SETDB2: variants seen among roughly 807,000 people sequenced by gnomAD.
The protein encoded by SETDB2 is histone-lysine N-methyltransferase SETDB2.
Under a neutral mutation model 82.5 loss-of-function variants are expected in SETDB2, and 56 were observed. The observed-to-expected ratio is 0.68, with a 90% CI of 0.55 to 0.85. The LOEUF is 0.85. SETDB2 is among the 40% of genes least tolerant of loss of function. The pLI, the probability that SETDB2 is intolerant of heterozygous loss-of-function variation, is 0.00. For synonymous variants in SETDB2, 272 were observed against 284.9 expected, an observed-to-expected ratio of 0.95 and a Z score of 0.46; for missense variants, 677 against 816.4, an observed-to-expected ratio of 0.83 and a Z score of 2.08.
Position 49,488,277 on chromosome 13 carries a change from A to G in SETDB2, c.1577-13A>G. The G allele has an allele frequency of 6.4e-7, 1 of 1,555,524 alleles. No individual in the cohort carries two copies. The highest frequency in any genetic ancestry group is 2.3e-5 in the East Asian group (1 of 44,406). Reference sequence around the variant, plus strand: ...GTATATTTCCTGATGTTTCCTTCCAAAATGTCTATTAGAGGACTCAAGTTC... The same window carrying G: ...GTATATTTCCTGATGTTTCCTTCCAGAATGTCTATTAGAGGACTCAAGTTC... On this transcript the variant is annotated splice_polypyrimidine_tract_variant and intron_variant, in intron 11 of 13. Coordinates refer to ENST00000611815, the MANE Select transcript of SETDB2 (RefSeq NM_001160308.3).
chr13:49,487,922 AAT>A (rs374254345), intron 11 of SETDB2, among the ~76,000 whole-genome samples: 77 of 152,324 alleles, frequency 5.1e-4, no homozygotes, highest in Non-Finnish European at 8.5e-4. Flanking sequence ...ATTTGTTTAG[AAT>A]ATACTTAAGT....
Position 49,483,532 on chromosome 13 carries a change from C to T in SETDB2, c.1451C>T (p.Thr484Ile). The change falls in exon 10 of 14, where the codon ACA (threonine) becomes ATA (isoleucine). Residue 484 changes from threonine to isoleucine, a missense_variant. This residue lies in a region of SETDB2 where 420 missense variants were observed against 554.6 expected (regional missense o/e 0.76). Transcript: ENST00000611815. ...GTTATTAGAGATCCTGAATCCAAGACAGCCATTTTTCAACACAATGGGAAA... is the reference window on the plus strand; with the variant it reads ...GTTATTAGAGATCCTGAATCCAAGATAGCCATTTTTCAACACAATGGGAAA... ...HSVIRDPESK[T>I]AIFQHNGKKM... is the part of the protein sequence containing the mutation. 2 of 1,487,208 alleles carry T rather than the reference C, an allele frequency of 1.3e-6. No individual in the cohort carries two copies. The highest frequency in any genetic ancestry group is 1.8e-6 in the Non-Finnish European group (2 of 1,101,876). 92.1% of individuals were successfully genotyped at this position (1,487,208 alleles called of 1,614,324 possible).
At chr13:49,464,226 T>A (rs1958056215) in intron 4 of SETDB2, among the ~76,000 whole-genome samples, 1 of 152,218 alleles carries the variant, frequency 6.6e-6, no homozygotes, top group Admixed American at 6.5e-5. Flanking sequence ...CTCTCCCTGA[T>A]TAGATGAAAT....
At chr13:49,472,577 A>G (rs988407028) in intron 5 of SETDB2, among the ~76,000 whole-genome samples, 15 of 148,050 alleles carry the variant, frequency 1.0e-4, no homozygotes, top group African/African-American at 3.2e-4. Flanking sequence ...TTTTATTTCT[A>G]TTTTTTTTTT....
chr13:49,476,453 T>G, intron 5 of SETDB2, 23 bp from the exon 6 acceptor site: 1 of 1,427,062 alleles, frequency 7.0e-7, no homozygotes, highest in Non-Finnish European at 9.6e-7. Context: ...TTTGAGATAC[T>G]AATGAATAAT....
intron 1 of SETDB2, among the ~76,000 whole-genome samples, chr13:49,449,925 CTT>C (rs1385294368): frequency 2.0e-5 from 3 of 152,134 alleles, no homozygotes; most frequent in African/African-American, 4.8e-5. Flanking sequence ...CTGAGTGACT[CTT>C]TGAATGTCTG....
intron 11 of SETDB2, 52 bp downstream of exon 11, chr13:49,485,775 C>A: frequency 7.2e-7 from 1 of 1,382,954 alleles, no homozygotes; most frequent in Non-Finnish European, 1.0e-6. Flanking sequence ...GTTTCTCTGT[C>A]TCTTGCTCAA....
chr13:49,467,825 A>T, intron 4 of SETDB2, 39 bp from the exon 5 acceptor site: 1 of 1,499,670 alleles, frequency 6.7e-7, no homozygotes, highest in Non-Finnish European at 9.1e-7. Context: ...ATGGTTTTTA[A>T]CTTGGTATAT....
chr13:49,450,952 TAATA>T (rs1957774267), intron 1 of SETDB2, among the ~76,000 whole-genome samples: 1 of 147,820 alleles, frequency 6.8e-6, no homozygotes, highest in Non-Finnish European at 1.5e-5. Context: ...TATTATTAAT[TAATA>T]TTTTTATTAA....
intron 10 of SETDB2, among the ~76,000 whole-genome samples, chr13:49,483,902 G>A (rs1348636435): frequency 2.0e-5 from 3 of 152,106 alleles, no homozygotes; most frequent in East Asian, 1.9e-4. Flanking sequence ...TTATAGGCAT[G>A]AGCCACCGCA....
chr13:49,462,230 G>C (rs1310133208), intron 4 of SETDB2, among the ~76,000 whole-genome samples: 1 of 152,208 alleles, frequency 6.6e-6, no homozygotes, highest in Non-Finnish European at 1.5e-5. Flanking sequence ...GGTGGAAAGA[G>C]TAGGGATGAA....
intron 1 of SETDB2, among the ~76,000 whole-genome samples, chr13:49,448,518 T>C (rs1957733344): frequency 6.6e-6 from 1 of 152,198 alleles, no homozygotes. Flanking sequence ...GTTCTTAAAT[T>C]TCTCCTTTGA....
intron 5 of SETDB2, among the ~76,000 whole-genome samples, chr13:49,475,638 C>G (rs1246230139): frequency 6.6e-6 from 1 of 151,908 alleles, no homozygotes; most frequent in African/African-American, 2.4e-5. Flanking sequence ...AGGCATGCAC[C>G]ACCATACCTT....
At chr13:49,473,513 T>G (rs535497763) in intron 5 of SETDB2, among the ~76,000 whole-genome samples, 25 of 138,310 alleles carry the variant, frequency 1.8e-4, no homozygotes, top group Non-Finnish European at 3.3e-4. Context: ...ATTGCACCAC[T>G]GCACTCCAGC....
At chr13:49,484,220 A>G (rs1158627244) in intron 10 of SETDB2, among the ~76,000 whole-genome samples, 1 of 152,134 alleles carries the variant, frequency 6.6e-6, no homozygotes, top group Non-Finnish European at 1.5e-5. Flanking sequence ...AGTGATATAT[A>G]AGAAAAGGGA....
Position 49,491,936 on chromosome 13 carries a change from T to A in SETDB2, c.*87T>A, listed in dbSNP as rs369190639. 6.1e-5 allele frequency: 54 copies of A among 888,778 alleles called. No homozygotes were observed. Among genetic ancestry groups the A allele is most frequent in the Non-Finnish European group, 8.9e-5 (47 of 527,972 alleles). 55.1% of individuals were successfully genotyped at this position (888,778 alleles called of 1,614,324 possible). ...AGAAGGTCTAGGTCCATCAAGGAAA[T>A]TCCCCTCCGTTTTCCTTTGTCATGG... On this transcript the variant is annotated 3_prime_UTR_variant, in exon 14 of 14. Transcript: ENST00000611815.
At chr13:49,458,361 T>C (rs1048981351) in intron 2 of SETDB2, among the ~76,000 whole-genome samples, 1 of 152,204 alleles carries the variant, frequency 6.6e-6, no homozygotes, top group Non-Finnish European at 1.5e-5. Context: ...AGGCCTGAGA[T>C]ACTGTGCCCA....
intron 5 of SETDB2, among the ~76,000 whole-genome samples, chr13:49,470,966 C>CT (rs55920370): frequency 0.24 from 19,108 of 80,104 alleles, 3,017 homozygotes; most frequent in Middle Eastern, 0.35. Flanking sequence ...TTCTTTCTTT[C>CT]TTTTTTTTTT....
chr13:49,491,074 G>A (rs3764085), intron 13 of SETDB2, among the ~76,000 whole-genome samples, 164 bp downstream of exon 13: 109,128 of 152,024 alleles, frequency 0.72, 39,315 homozygotes, highest in East Asian at 0.82. Flanking sequence ...GCCACATGGC[G>A]AAACCCTGTC....
Sources: allele counts gnomAD v4.1 joint callset (sites outside exome capture counted in the v4.1 genomes callset), GRCh38; gene constraint gnomAD v4.1.1; regional missense constraint gnomAD v4.1.1; transcripts MANE v1.5; gene names NCBI Gene and HGNC (gene_info 2026-07-23, HGNC 2026-07-21).